GRHL2: variants seen among roughly 807,000 people sequenced by gnomAD.
GRHL2 encodes grainyhead-like protein 2 homolog.
Under a neutral mutation model 83.8 loss-of-function variants are expected in GRHL2, and 21 were observed. The observed-to-expected ratio is 0.25, with a 90% CI of 0.18 to 0.36. The LOEUF (loss-of-function observed/expected upper bound fraction) is 0.36. Among genes scored for constraint, GRHL2 ranks in the 10% least tolerant of loss-of-function variants. GRHL2 has a pLI of 1.00. For synonymous variants in GRHL2, 280 were observed against 278.9 expected (o/e 1.00, Z -0.04); for missense variants, 623 against 781.8 (o/e 0.80, Z 2.42).
At chr8:101,589,907 T>G (rs1418238468) in intron 7 of GRHL2, among the ~76,000 whole-genome samples, 7 of 152,170 alleles carry the variant, frequency 4.6e-5, no homozygotes, top group African/African-American at 1.4e-4. Context: ...CTGGCATGTA[T>G]GTAGATGAAT....
intron 4 of GRHL2, among the ~76,000 whole-genome samples, chr8:101,559,128 TG>T (rs1018517591): frequency 1.3e-5 from 2 of 152,094 alleles, no homozygotes; most frequent in Non-Finnish European, 2.9e-5. Flanking sequence ...ACTTCTGCTT[TG>T]TAAAGTTTTC....
intron 1 of GRHL2, among the ~76,000 whole-genome samples, chr8:101,509,101 CTT>C (rs1364147329): frequency 7.1e-5 from 10 of 141,788 alleles, no homozygotes; most frequent in African/African-American, 1.6e-4. Flanking sequence ...TTCTTTCTTT[CTT>C]TCTCTCCTTC....
chr8:101,516,498 A>T (rs1015705759), intron 1 of GRHL2, among the ~76,000 whole-genome samples: 1 of 146,156 alleles, frequency 6.8e-6, no homozygotes, highest in African/African-American at 2.5e-5. Flanking sequence ...GCTTACTGCA[A>T]CCTCGATCTC....
intron 14 of GRHL2, among the ~76,000 whole-genome samples, chr8:101,650,924 G>A (rs925451680): frequency 4.6e-5 from 7 of 152,044 alleles, no homozygotes; most frequent in East Asian, 1.9e-4. Flanking sequence ...AGGCAATTCC[G>A]AGTGGAGCAT....
chr8:101,499,014 G>T (rs1810167039), intron 1 of GRHL2, among the ~76,000 whole-genome samples: 1 of 151,482 alleles, frequency 6.6e-6, no homozygotes, highest in East Asian at 1.9e-4. Context: ...GGCAGAGCTT[G>T]CAGTGAGCTG....
Position 101,581,864 on chromosome 8 carries a change from G to A in GRHL2, c.1003+4345G>A, listed in dbSNP as rs1586116624. The stretch of plus-strand genomic sequence containing the variant: ...AGACTCATCTGAAAGGATAACTAGG[G>A]CATGTGAGGTCAAAAAGGTAGGAAG... On this transcript the variant is annotated intron_variant, in intron 7 of 15. Coordinates refer to ENST00000646743, the MANE Select transcript of GRHL2 (RefSeq NM_024915.4). Among the ~76,000 whole-genome samples the A allele has an allele frequency of 4.6e-5, 7 of 152,290 alleles. No individual in the cohort carries two copies. In the South Asian group the frequency reaches 1.5e-3, roughly 32 times the overall value.
At chr8:101,593,781 A>G (rs1037157414) in intron 7 of GRHL2, among the ~76,000 whole-genome samples, 11 of 152,056 alleles carry the variant, frequency 7.2e-5, no homozygotes, top group African/African-American at 2.6e-4. Context: ...AGAAGGGGGA[A>G]CAGGCTGGGC....
chr8:101,638,651 A>G (rs2892327), intron 12 of GRHL2, among the ~76,000 whole-genome samples: 17,546 of 152,224 alleles, frequency 0.12, 2,169 homozygotes, highest in African/African-American at 0.32. Flanking sequence ...TTCCCTAGCT[A>G]ATGAGGAGCA....
chr8:101,537,133 T>C (rs1331813815), intron 1 of GRHL2, among the ~76,000 whole-genome samples: 1 of 152,218 alleles, frequency 6.6e-6, no homozygotes, highest in Non-Finnish European at 1.5e-5. Context: ...TGCATAGTAT[T>C]CCATGATGTA....
At chr8:101,658,424 T>TGAG (rs1019001245) in intron 14 of GRHL2, among the ~76,000 whole-genome samples, 2 of 152,204 alleles carry the variant, frequency 1.3e-5, no homozygotes, top group African/African-American at 4.8e-5. Flanking sequence ...TTCTCTAATC[T>TGAG]GAGAGACAGC....
At position 101,667,552 on chromosome 8, in the gene GRHL2, AC is replaced by A. The variant is rs1231867541; in HGVS notation, c.*851del. The A allele has an allele frequency of 6.6e-6, 1 of 152,496 alleles. No individual in the cohort carries two copies. The highest frequency in any genetic ancestry group is 2.4e-5 in the African/African-American group (1 of 41,434). 9.4% of individuals were successfully genotyped at this position (152,496 alleles called of 1,614,324 possible). On this transcript the variant is annotated 3_prime_UTR_variant, in exon 16 of 16. Coordinates refer to ENST00000646743, the MANE Select transcript of GRHL2 (RefSeq NM_024915.4). ...CCAAGATGGACTCTGCAATGGGCAT[AC>A]CTGGGGGCTCGTTCCCTGTCCCCAG...
At chr8:101,497,693 A>G (rs7828482) in intron 1 of GRHL2, among the ~76,000 whole-genome samples, 1,985 of 152,340 alleles carry the variant, frequency 0.013, 41 homozygotes, top group African/African-American at 0.045. Flanking sequence ...ACAATGTTCC[A>G]GGCATTATAA....
At chr8:101,575,320 A>T (rs1811912224) in intron 6 of GRHL2, among the ~76,000 whole-genome samples, 1 of 152,172 alleles carries the variant, frequency 6.6e-6, no homozygotes, top group South Asian at 2.1e-4. Context: ...TTCTAAGGTC[A>T]TGACAACAGT....
chr8:101,508,336 G>A (rs956319972), intron 1 of GRHL2, among the ~76,000 whole-genome samples: 2 of 149,352 alleles, frequency 1.3e-5, no homozygotes, highest in East Asian at 2.0e-4. Flanking sequence ...TGCCAATTTG[G>A]TAGATTAAAA....
chr8:101,676,857 T>C, the GRHL2 span, among the ~76,000 whole-genome samples: 1 of 152,140 alleles, frequency 6.6e-6, no homozygotes, highest in Non-Finnish European at 1.5e-5. Context: ...GGGGCACATA[T>C]ACACCATGGA....
intron 7 of GRHL2, among the ~76,000 whole-genome samples, chr8:101,581,935 A>G (rs1812061252): frequency 6.6e-6 from 1 of 152,230 alleles, no homozygotes; most frequent in South Asian, 2.1e-4. Flanking sequence ...ACAGTAATCA[A>G]GACAAAAAAA....
chr8:101,597,934 T>C (rs551482221), intron 7 of GRHL2, among the ~76,000 whole-genome samples: 1 of 152,320 alleles, frequency 6.6e-6, no homozygotes, highest in East Asian at 1.9e-4. Context: ...GAGTGCCAGT[T>C]AAATTTGAAT....
At chr8:101,662,866 TATAC>T (rs367836415) in intron 14 of GRHL2, among the ~76,000 whole-genome samples, 2,752 of 148,538 alleles carry the variant, frequency 0.019, 79 homozygotes, top group South Asian at 0.1. Context: ...CTTACATATA[TATAC>T]ATATATATAT....
At chr8:101,640,086 A>G (rs558620554) in intron 12 of GRHL2, among the ~76,000 whole-genome samples, 3 of 152,334 alleles carry the variant, frequency 2.0e-5, no homozygotes, top group Admixed American at 1.3e-4. Context: ...AGCAGTTCTC[A>G]ACACCAGGTC....
Sources: allele counts gnomAD v4.1 joint callset (sites outside exome capture counted in the v4.1 genomes callset), GRCh38; gene constraint gnomAD v4.1.1; transcripts MANE v1.5; gene names NCBI Gene and HGNC (gene_info 2026-07-23, HGNC 2026-07-21).